Variants in SYN3 observed in about 807,000 individuals in gnomAD.
The protein encoded by SYN3 is synapsin-3.
A neutral mutation model predicts 65.8 loss-of-function variants in SYN3; 35 were observed. The observed-to-expected ratio is 0.53, with a 90% CI of 0.41 to 0.70. The LOEUF (loss-of-function observed/expected upper bound fraction) is 0.70. SYN3 is among the 30% of genes least tolerant of loss of function. The probability of loss-of-function intolerance (pLI) is 0.00; values close to 1 mark genes in which losing one functional copy is unlikely to be tolerated. For synonymous variants in SYN3, 270 were observed against 292.9 expected (o/e 0.92, Z 0.80); for missense variants, 680 against 749.0 (o/e 0.91, Z 1.08).
chr22:32,981,737 C>G (rs748083453), intron 2 of SYN3, among the ~76,000 whole-genome samples: 48 of 152,114 alleles, frequency 3.2e-4, no homozygotes, highest in Admixed American at 7.2e-4. Flanking sequence ...TTACATGTAT[C>G]ACAACACCAA....
intron 6 of SYN3, among the ~76,000 whole-genome samples, chr22:32,848,251 T>C (rs1283507174): frequency 2.6e-5 from 4 of 152,244 alleles, no homozygotes; most frequent in South Asian, 2.1e-4. Flanking sequence ...ATTACTTTTG[T>C]ATTCATAGTT....
intron 6 of SYN3, among the ~76,000 whole-genome samples, chr22:32,810,118 C>A (rs1357535078): frequency 6.6e-6 from 1 of 152,202 alleles, no homozygotes; most frequent in African/African-American, 2.4e-5. Context: ...AAGGGACTTA[C>A]TAAATACTGT....
In SYN3 at chr22:33,008,962, AAG is replaced by A. The variant is rs753991156; in HGVS notation, c.-162-2140_-162-2139del. 5.0e-5 allele frequency among the ~76,000 whole-genome samples: 5 copies of A among 99,498 alleles called. No individual in the cohort carries two copies. The East Asian group carries it at 1.5e-3, about 29-fold the overall frequency. The allele number at this position is 99,498 out of a possible 152,430, so 65.3% of individuals were successfully genotyped here. Reference sequence around the variant, plus strand: ...AAAAAAAAAAAAAAAAAAAAAAAAAAAGAGAGAGAGAGAAAAGAAAAAGAAAA... The same window carrying A: ...AAAAAAAAAAAAAAAAAAAAAAAAAAAGAGAGAGAGAAAAGAAAAAGAAAA... On this transcript the variant is annotated intron_variant, in intron 1 of 13. Transcript: ENST00000358763.
chr22:32,540,575 C>T (rs776746414), intron 8 of SYN3, among the ~76,000 whole-genome samples: 2 of 152,210 alleles, frequency 1.3e-5, no homozygotes, highest in African/African-American at 2.4e-5. Flanking sequence ...CTCCCAAGAA[C>T]GAGACAGTCT....
At chr22:32,756,486 A>C (rs2145687477) in intron 6 of SYN3, among the ~76,000 whole-genome samples, 1 of 152,334 alleles carries the variant, frequency 6.6e-6, no homozygotes, top group African/African-American at 2.4e-5. Context: ...TAGAATTGCC[A>C]TGCATTTTAC....
At chr22:32,682,236 C>T (rs2147117362) in intron 6 of SYN3, among the ~76,000 whole-genome samples, 1 of 152,296 alleles carries the variant, frequency 6.6e-6, no homozygotes, top group Admixed American at 6.5e-5. Context: ...TTCTGCAAAA[C>T]ATCCTACAAT....
intron 7 of SYN3, among the ~76,000 whole-genome samples, chr22:32,569,563 C>CTGTATATATATATATATATA (rs373627613): frequency 3.8e-5 from 2 of 52,878 alleles, no homozygotes; most frequent in African/African-American, 1.2e-4. Context: ...CTCTCTCTCT[C>CTGTATATATATATATATATA]TCTCTCTCTA....
intron 6 of SYN3, among the ~76,000 whole-genome samples, chr22:32,825,657 CAAAAAAAAAAAAAAAAAAAAAAAA>C (rs130292): frequency 4.2e-4 from 12 of 28,594 alleles, no homozygotes; most frequent in South Asian, 4.6e-3. Context: ...GTTTCCATCT[CAAAAAAAAAAAAAAAAAAAAAAAA>C]AAAAAAAAAA....
intron 6 of SYN3, among the ~76,000 whole-genome samples, chr22:32,648,651 G>C (rs187463243): frequency 2.1e-3 from 316 of 152,292 alleles, no homozygotes; most frequent in Non-Finnish European, 3.7e-3. Context: ...CATGACCATG[G>C]GCAGGTTGAT....
chr22:32,683,831 A>G (rs371091505), intron 6 of SYN3, among the ~76,000 whole-genome samples: 2 of 152,214 alleles, frequency 1.3e-5, no homozygotes, highest in African/African-American at 4.8e-5. Context: ...AATTTAACCC[A>G]TAACAATACC....
intron 6 of SYN3, among the ~76,000 whole-genome samples, chr22:32,779,763 G>A (rs2001049): frequency 0.55 from 83,884 of 151,714 alleles, 23,492 homozygotes; most frequent in African/African-American, 0.65. Flanking sequence ...AGGACCTTAC[G>A]TACTTTGCAG....
At chr22:32,799,063 C>A (rs1301406487) in intron 6 of SYN3, among the ~76,000 whole-genome samples, 4 of 152,174 alleles carry the variant, frequency 2.6e-5, no homozygotes, top group Non-Finnish European at 5.9e-5. Flanking sequence ...ATAACCAATT[C>A]TTACATATTA....
chr22:32,873,935 T>C (rs530030274), intron 4 of SYN3, among the ~76,000 whole-genome samples: 2 of 151,772 alleles, frequency 1.3e-5, no homozygotes, highest in South Asian at 4.2e-4. Context: ...AAGACCAGCC[T>C]GGCCAACGTG....
intron 1 of SYN3, among the ~76,000 whole-genome samples, chr22:33,027,335 G>T (rs931170653): frequency 6.6e-6 from 1 of 152,030 alleles, no homozygotes; most frequent in African/African-American, 2.4e-5. Flanking sequence ...GGTGACTCAC[G>T]CCTGTAATCC....
intron 1 of SYN3, among the ~76,000 whole-genome samples, chr22:33,011,225 T>TTA (rs1238723779): frequency 6.6e-6 from 1 of 152,188 alleles, no homozygotes; most frequent in African/African-American, 2.4e-5. Context: ...TAAATCCACT[T>TTA]TATTAGATTC....
At chr22:32,812,412 G>A (rs903750895) in intron 6 of SYN3, among the ~76,000 whole-genome samples, 2 of 152,176 alleles carry the variant, frequency 1.3e-5, no homozygotes, top group Non-Finnish European at 2.9e-5. Flanking sequence ...TTGGAGCAGG[G>A]CTGATTTGCC....
intron 6 of SYN3, among the ~76,000 whole-genome samples, chr22:32,796,866 C>T (rs1451423620): frequency 1.3e-5 from 2 of 152,152 alleles, no homozygotes; most frequent in African/African-American, 2.4e-5. Context: ...TGCAGTGTTC[C>T]CAGACCGCCC....
chr22:33,057,086 C>A (rs1026270108), intron 1 of SYN3, among the ~76,000 whole-genome samples: 38 of 152,264 alleles, frequency 2.5e-4, no homozygotes, highest in Non-Finnish European at 2.2e-4. Flanking sequence ...GGGAGCAGGG[C>A]TCCCGGGCAG....
chr22:32,721,089 A>G (rs1037241899), intron 6 of SYN3, among the ~76,000 whole-genome samples: 3 of 152,226 alleles, frequency 2.0e-5, no homozygotes, highest in African/African-American at 7.2e-5. Flanking sequence ...TTTGCTGTGA[A>G]ATGAAGTGCT....
Sources: gnomAD v4.1 joint callset for allele counts (sites outside exome capture counted in the v4.1 genomes callset) on GRCh38, gnomAD v4.1.1 for gene constraint, MANE v1.5 for transcripts, NCBI Gene and HGNC (gene_info 2026-07-23, HGNC 2026-07-21) for gene names.